SCAPER: variants seen among roughly 807,000 people sequenced by gnomAD.
SCAPER encodes the protein S phase cyclin A-associated protein in the endoplasmic reticulum.
Under a neutral mutation model 182.2 loss-of-function variants are expected in SCAPER, and 98 were observed. The ratio of observed to expected loss-of-function variants is 0.54; its 90% CI spans 0.46 to 0.64. SCAPER has a LOEUF of 0.64. Ranked by LOEUF, SCAPER falls within the 30% of genes least tolerant of loss-of-function variation. The probability of loss-of-function intolerance (pLI) is 0.00; values close to 1 mark genes in which losing one functional copy is unlikely to be tolerated. For missense variants in SCAPER, 1,432 were observed against 1,690.0 expected (o/e 0.85, Z 2.68); for synonymous variants, 605 against 564.6 (o/e 1.07, Z -1.01).
At chr15:76,675,556 G>GA (rs1247970883) in intron 20 of SCAPER, among the ~76,000 whole-genome samples, 1 of 152,190 alleles carries the variant, frequency 6.6e-6, no homozygotes, top group Non-Finnish European at 1.5e-5. Flanking sequence ...TGCAGAAGCT[G>GA]AACCTTCTAA....
At chr15:76,566,706 C>T (rs1359328962) in intron 23 of SCAPER, among the ~76,000 whole-genome samples, 1 of 151,944 alleles carries the variant, frequency 6.6e-6, no homozygotes, top group Non-Finnish European at 1.5e-5. Flanking sequence ...TTTTTAAACT[C>T]TTTTTTGAAA....
intron 23 of SCAPER, among the ~76,000 whole-genome samples, chr15:76,546,964 T>G (rs1466244460): frequency 6.6e-6 from 1 of 152,148 alleles, no homozygotes; most frequent in African/African-American, 2.4e-5. Context: ...GATGAACATT[T>G]AGGTTGTTTT....
chr15:76,766,254 G>A (rs943884758), intron 11 of SCAPER, among the ~76,000 whole-genome samples: 29 of 151,884 alleles, frequency 1.9e-4, no homozygotes, highest in African/African-American at 6.8e-4. Context: ...CTGCCACCAC[G>A]CCCAGCTAAT....
At chr15:76,434,404 T>C (rs2047060954) in intron 25 of SCAPER, 94 bp from the exon 26 acceptor site, 10 of 910,612 alleles carry the variant, frequency 1.1e-5, no homozygotes, top group South Asian at 3.5e-5. Flanking sequence ...ATAAGTAATT[T>C]TGACAATCTA....
intron 20 of SCAPER, among the ~76,000 whole-genome samples, chr15:76,667,339 G>C (rs968558644): frequency 6.6e-6 from 1 of 151,990 alleles, no homozygotes; most frequent in African/African-American, 2.4e-5. Context: ...TCTTTGCTAG[G>C]TCCTTTTCCT....
chr15:76,451,159 T>C (rs1054360388), intron 25 of SCAPER, among the ~76,000 whole-genome samples: 2 of 152,242 alleles, frequency 1.3e-5, no homozygotes, highest in Non-Finnish European at 2.9e-5. Flanking sequence ...GTATGAATAA[T>C]GTTTCCATGA....
chr15:76,860,260 AT>A (rs1296111511), intron 3 of SCAPER, among the ~76,000 whole-genome samples: 1 of 152,052 alleles, frequency 6.6e-6, no homozygotes, highest in African/African-American at 2.4e-5. Context: ...AATATACAGA[AT>A]TTTTTTTACT....
chr15:76,686,349 C>T (rs2058039270), intron 20 of SCAPER, among the ~76,000 whole-genome samples: 1 of 151,904 alleles, frequency 6.6e-6, no homozygotes, highest in African/African-American at 2.4e-5. Context: ...AAAAATCAAG[C>T]CTATAATGAA....
chr15:76,661,290 C>T (rs927619032), intron 21 of SCAPER, among the ~76,000 whole-genome samples: 1 of 152,046 alleles, frequency 6.6e-6, no homozygotes, highest in Non-Finnish European at 1.5e-5. Context: ...ATGATGAAAT[C>T]GCCAAAAGCA....
rs1405779168 is a variant in SCAPER at position 76,878,609 on chromosome 15, T to C, written c.6+5203A>G. Among the ~76,000 whole-genome samples the C allele has an allele frequency of 2.0e-5, 3 of 152,108 alleles. No homozygotes were observed. In the East Asian group the frequency reaches 5.8e-4, roughly 29 times the overall value. On this transcript the variant is annotated intron_variant, in intron 2 of 31. Coordinates refer to ENST00000563290, the MANE Select transcript of SCAPER (RefSeq NM_020843.4). ...TCTTAGATTCAAGATAAAGAACTCC[T>C]TAAATCAATTGCAAAAAGAGAAAGA...
At chr15:76,418,032 T>G (rs189575944) in intron 26 of SCAPER, among the ~76,000 whole-genome samples, 17 of 152,166 alleles carry the variant, frequency 1.1e-4, no homozygotes, top group Admixed American at 1.0e-3. Context: ...AAAAAATTTT[T>G]TTTCAGAGAT....
Position 76,574,421 on chromosome 15 carries a change from A to C in SCAPER, c.2712-137T>G, listed in dbSNP as rs1242109285. 8 of 876,060 alleles carry C rather than the reference A, an allele frequency of 9.1e-6. No individual in the cohort carries two copies. In the African/African-American group the frequency reaches 1.0e-4, roughly 11 times the overall value. 54.3% of individuals were successfully genotyped at this position (876,060 alleles called of 1,614,324 possible). On this transcript the variant is annotated intron_variant, in intron 22 of 31. Coordinates refer to ENST00000563290, the MANE Select transcript of SCAPER (RefSeq NM_020843.4). ...TCACAGAGCATCTGAGGGGAGAAAA[A>C]ACCAGACAACCAATAAAGCTAGTGT...
At chr15:76,800,848 C>T (rs749720550) in intron 6 of SCAPER, among the ~76,000 whole-genome samples, 2 of 152,156 alleles carry the variant, frequency 1.3e-5, no homozygotes, top group Non-Finnish European at 2.9e-5. Flanking sequence ...TAATCACTCA[C>T]GAGAGTAGGA....
chr15:76,737,545 G>A (rs1259561333), intron 15 of SCAPER, among the ~76,000 whole-genome samples: 1 of 152,208 alleles, frequency 6.6e-6, no homozygotes, highest in Non-Finnish European at 1.5e-5. Flanking sequence ...AATGGTTAAG[G>A]AGCATTGGCT....
At chr15:76,534,685 G>C (rs965200907) in intron 23 of SCAPER, among the ~76,000 whole-genome samples, 1 of 152,062 alleles carries the variant, frequency 6.6e-6, no homozygotes, top group African/African-American at 2.4e-5. Context: ...CTCCTTGGTA[G>C]AGCTTTCCTG....
intron 1 of SCAPER, among the ~76,000 whole-genome samples, chr15:76,901,682 T>C (rs543878306): frequency 2.0e-5 from 3 of 152,210 alleles, no homozygotes; most frequent in South Asian, 4.2e-4. Context: ...TAGTGTTTCA[T>C]GTCATAGAAG....
chr15:76,448,703 G>C (rs1463229565), intron 25 of SCAPER, among the ~76,000 whole-genome samples: 1 of 152,188 alleles, frequency 6.6e-6, no homozygotes, highest in East Asian at 1.9e-4. Flanking sequence ...GGAAAGTCCA[G>C]AGGGAGATTT....
chr15:76,697,102 CAAAG>C (rs1262279212), intron 20 of SCAPER, among the ~76,000 whole-genome samples: 1 of 151,850 alleles, frequency 6.6e-6, no homozygotes, highest in East Asian at 1.9e-4. Context: ...TCTTACATGT[CAAAG>C]AAGAAAGGTC....
chr15:76,843,395 A>G (rs932806802), intron 4 of SCAPER, among the ~76,000 whole-genome samples: 1 of 152,222 alleles, frequency 6.6e-6, no homozygotes, highest in Admixed American at 6.5e-5. Context: ...CCTATTTTGT[A>G]GATGACAAAA....
Sources: allele counts gnomAD v4.1 joint callset (sites outside exome capture counted in the v4.1 genomes callset), GRCh38; gene constraint gnomAD v4.1.1; transcripts MANE v1.5; gene names NCBI Gene and HGNC (gene_info 2026-07-23, HGNC 2026-07-21).